Variants in ZNF583 observed in about 807,000 individuals in gnomAD.
ZNF583 encodes the protein zinc finger protein 583.
A neutral mutation model predicts 55.3 loss-of-function variants in ZNF583; 30 were observed. The ratio of observed to expected loss-of-function variants is 0.54; its 90% CI spans 0.41 to 0.74. The LOEUF is 0.74. ZNF583 is among the 30% of genes least tolerant of loss of function. ZNF583 has a pLI of 0.00. For missense variants in ZNF583, 504 were observed against 664.7 expected, an observed-to-expected ratio of 0.76 and a Z score of 2.66; for synonymous variants, 208 against 220.0, an observed-to-expected ratio of 0.95 and a Z score of 0.48.
intron 4 of ZNF583, among the ~76,000 whole-genome samples, chr19:56,422,317 G>A (rs1471386518): frequency 1.3e-5 from 2 of 152,112 alleles, no homozygotes; most frequent in Non-Finnish European, 2.9e-5. Context: ...CTTATATGAA[G>A]GCATCTTAGC....
chr19:56,421,531 T>C, intron 4 of ZNF583: 2 of 982,848 alleles, frequency 2.0e-6, no homozygotes, highest in Non-Finnish European at 2.4e-6. Context: ...TTTAAGTATG[T>C]TGCCTTCAGA....
intron 2 of ZNF583, among the ~76,000 whole-genome samples, chr19:56,408,639 T>C (rs899968011): frequency 1.3e-5 from 2 of 152,118 alleles, no homozygotes; most frequent in African/African-American, 2.4e-5. Context: ...CTGAGTCAGA[T>C]GTAAGAAGTT....
In ZNF583 at chr19:56,407,039, G is replaced by A; in HGVS notation, c.-76G>A. ...TTCCTTCTCCAGCTCGACTTTCTCA[G>A]GATACTGTCCCTCTCCCACAGAGGA... is the stretch of plus-strand genomic sequence containing the variant. On this transcript the variant is annotated 5_prime_UTR_variant, in exon 2 of 5. Transcript: ENST00000333201. The A allele has an allele frequency of 1.3e-6, 2 of 1,566,696 alleles. No homozygotes were observed. Among genetic ancestry groups the A allele is most frequent in the Non-Finnish European group, 1.7e-6 (2 of 1,145,064 alleles).
In ZNF583 at chr19:56,405,681, C is replaced by T. The variant is rs116767702; in HGVS notation, c.-90+1229C>T. On this transcript the variant is annotated intron_variant, in intron 1 of 4. Transcript: ENST00000333201. ...CCATCCCTCTCAGTCTCTGGGGGCACGTGAGGAATTTAAAAGGAAAAAGGA... is the reference window on the plus strand; with the variant it reads ...CCATCCCTCTCAGTCTCTGGGGGCATGTGAGGAATTTAAAAGGAAAAAGGA... Among the ~76,000 whole-genome samples, 655 of 151,866 alleles carry T rather than the reference C, an allele frequency of 4.3e-3. 5 individuals carry two copies. Among genetic ancestry groups the T allele is most frequent in the African/African-American group, 0.015 (625 of 41,362 alleles).
chr19:56,410,667 T>A (rs1197587766), intron 2 of ZNF583, among the ~76,000 whole-genome samples: 1 of 151,804 alleles, frequency 6.6e-6, no homozygotes, highest in Non-Finnish European at 1.5e-5. Flanking sequence ...GCACCACTGC[T>A]CTCCAGCCTG....
rs1360107372 is a variant in ZNF583 at position 56,414,194 on chromosome 19, C to G, written c.136+109C>G. ...CTAAATTTCCTTTTCTTGTGCTTCC[C>G]AAAATAGGTTGAATTTGTAGAATTG... On this transcript the variant is annotated intron_variant, in intron 3 of 4. Transcript: ENST00000333201. The G allele has an allele frequency of 2.0e-6, 3 of 1,522,656 alleles. No homozygotes were observed. The Admixed American group carries it at 5.5e-5, about 28-fold the overall frequency. The allele number at this position is 1,522,656 out of a possible 1,614,324, so 94.3% of individuals were successfully genotyped here.
Position 56,424,636 on chromosome 19 carries a change from C to G in ZNF583, c.*268C>G. ...TCTTCAAAATAGCCTAAAAACCTAG[C>G]CTCTAACACCTTGTTCCAGGTTACC... On this transcript the variant is annotated 3_prime_UTR_variant, in exon 5 of 5. Coordinates refer to ENST00000333201, the MANE Select transcript of ZNF583 (RefSeq NM_152478.3). 3.0e-6 allele frequency: 1 copy of G among 331,156 alleles called. No homozygotes were observed. The allele number at this position is 331,156 out of a possible 1,614,324, so 20.5% of individuals were successfully genotyped here.
intron 4 of ZNF583, among the ~76,000 whole-genome samples, chr19:56,422,013 T>G (rs1326078108): frequency 6.6e-6 from 1 of 152,154 alleles, no homozygotes; most frequent in Non-Finnish European, 1.5e-5. Flanking sequence ...GAAAGTGCTT[T>G]TCAGGCAGAG....
rs1488251020 is a variant in ZNF583 at position 56,423,717 on chromosome 19, G to C, written c.1059G>C (p.Val353=). 2 of 1,613,562 alleles carry C rather than the reference G, an allele frequency of 1.2e-6. No individual in the cohort carries two copies. Among genetic ancestry groups the C allele is most frequent in the Non-Finnish European group, 1.7e-6 (2 of 1,179,880 alleles). ...TTCATACAGGAGAGAAACCTTATGTGTGTAATGTGTGTGGGAAAGCCTTTA... is the reference window on the plus strand; with the variant it reads ...TTCATACAGGAGAGAAACCTTATGTCTGTAATGTGTGTGGGAAAGCCTTTA... ...QRIHTGEKPY[V]CNVCGKAFSH... Residue 353 remains valine, a synonymous_variant, in exon 5 of 5, where the codon GTG becomes GTC. Transcript: ENST00000333201.
intron 4 of ZNF583, among the ~76,000 whole-genome samples, chr19:56,421,868 G>A (rs1194344709): frequency 6.6e-6 from 1 of 152,156 alleles, no homozygotes; most frequent in African/African-American, 2.4e-5. Flanking sequence ...GTGCAAAGCA[G>A]GAGGAAAGAG....
intron 4 of ZNF583, among the ~76,000 whole-genome samples, chr19:56,420,745 ATCTT>A (rs1164975612): frequency 2.0e-5 from 3 of 152,184 alleles, no homozygotes; most frequent in Admixed American, 1.3e-4. Flanking sequence ...TGCATGTTAC[ATCTT>A]TCTTTATCTG....
intron 4 of ZNF583, among the ~76,000 whole-genome samples, chr19:56,417,234 T>C (rs889751473): frequency 2.0e-5 from 3 of 152,202 alleles, no homozygotes; most frequent in African/African-American, 7.2e-5. Context: ...CTGAGTTATA[T>C]GATAGGTATA....
chr19:56,419,129 T>G, intron 4 of ZNF583, among the ~76,000 whole-genome samples: 1 of 152,118 alleles, frequency 6.6e-6, no homozygotes, highest in Admixed American at 6.5e-5. Flanking sequence ...TTTCCTAGAT[T>G]TCATTTGCAC....
intron 4 of ZNF583, among the ~76,000 whole-genome samples, chr19:56,420,449 C>A (rs1235027527): frequency 1.3e-5 from 2 of 152,140 alleles, no homozygotes; most frequent in Admixed American, 1.3e-4. Context: ...AAGTAGTTAA[C>A]CCTGTTGAGA....
intron 4 of ZNF583, among the ~76,000 whole-genome samples, chr19:56,416,935 G>A (rs2042335579): frequency 6.6e-6 from 1 of 152,030 alleles, no homozygotes; most frequent in South Asian, 2.1e-4. Context: ...AAACAAACAT[G>A]AATCTGATCT....
chr19:56,415,532 A>T (rs2042307218), intron 4 of ZNF583, among the ~76,000 whole-genome samples: 1 of 152,174 alleles, frequency 6.6e-6, no homozygotes, highest in Admixed American at 6.5e-5. Context: ...TAACTTTCTC[A>T]GTATCCTCCA....
At chr19:56,421,839 A>G (rs1469833378) in intron 4 of ZNF583, among the ~76,000 whole-genome samples, 2 of 152,210 alleles carry the variant, frequency 1.3e-5, no homozygotes, top group African/African-American at 4.8e-5. Flanking sequence ...ATGATATTAA[A>G]TAAGTTAAGT....
At chr19:56,409,580 C>T (rs2042206799) in intron 2 of ZNF583, among the ~76,000 whole-genome samples, 9 of 151,678 alleles carry the variant, frequency 5.9e-5, no homozygotes, top group Admixed American at 5.9e-4. Flanking sequence ...CAGCTGTCTT[C>T]CTGCCTCAGC....
chr19:56,417,765 G>A (rs191679195), intron 4 of ZNF583, among the ~76,000 whole-genome samples: 310 of 152,140 alleles, frequency 2.0e-3, no homozygotes, highest in African/African-American at 6.1e-3. Flanking sequence ...GGAGTTTTAA[G>A]GTTTTAGCAT....
Sources: allele counts gnomAD v4.1 joint callset (sites outside exome capture counted in the v4.1 genomes callset), GRCh38; gene constraint gnomAD v4.1.1; transcripts MANE v1.5; gene names NCBI Gene and HGNC (gene_info 2026-07-23, HGNC 2026-07-21).